The following SLC22A23 variants were observed in gnomAD, a reference collection of about 807,000 sequenced individuals.
The protein encoded by SLC22A23 is solute carrier family 22 member 23.
Under a neutral mutation model 61.0 loss-of-function variants are expected in SLC22A23, and 26 were observed. The observed-to-expected ratio is 0.43, with a 90% CI of 0.31 to 0.59. SLC22A23 has a LOEUF of 0.59. SLC22A23 is among the 20% of genes least tolerant of loss of function. The pLI is 0.11. For missense variants in SLC22A23, 796 were observed against 934.7 expected (o/e 0.85, Z 1.94); for synonymous variants, 430 against 413.9 (o/e 1.04, Z -0.47).
Position 3,333,310 on chromosome 6 carries a change from T to C in SLC22A23, c.914-9308A>G, listed in dbSNP as rs1327932031. On this transcript the variant is annotated intron_variant, in intron 3 of 9. Transcript: ENST00000406686. The surrounding 1 kb of genome is among the most constrained non-coding windows in gnomAD (Gnocchi z 4.1). ...GGTCAGTTCAGAAGAGGCAGCATCATAAAATCACAATCACTCTGGGTGATA... is the reference window on the plus strand; with the variant it reads ...GGTCAGTTCAGAAGAGGCAGCATCACAAAATCACAATCACTCTGGGTGATA... Among the ~76,000 whole-genome samples, 17 of 152,208 alleles carry C rather than the reference T, an allele frequency of 1.1e-4. No homozygotes were observed. Among genetic ancestry groups the C allele is most frequent in the African/African-American group, 1.2e-4 (5 of 41,452 alleles).
In SLC22A23 at chr6:3,286,093, G is replaced by A. The variant is rs889546591; in HGVS notation, c.1546+766C>T. Among the ~76,000 whole-genome samples, 4 of 116,296 alleles carry A rather than the reference G, an allele frequency of 3.4e-5. No individual in the cohort carries two copies. The highest frequency in any genetic ancestry group is 4.0e-3 in the Middle Eastern group (1 of 248). 76.3% of individuals were successfully genotyped at this position (116,296 alleles called of 152,430 possible). A position where few individuals can be genotyped will look rare whatever the true frequency, so the allele number is the denominator to read the frequency against. On this transcript the variant is annotated intron_variant, in intron 7 of 9. Coordinates refer to ENST00000406686, the MANE Select transcript of SLC22A23 (RefSeq NM_015482.2). The surrounding 1 kb of genome is among the most constrained non-coding windows in gnomAD (Gnocchi z 4.2). ...AGGGCCAGATGGACTCTCTAGCTTT[G>A]CCTTAGATTTTTTTTTTTTTTTTGA...
At chr6:3,368,172 G>A (rs971590854) in intron 3 of SLC22A23, among the ~76,000 whole-genome samples, 1 of 152,178 alleles carries the variant, frequency 6.6e-6, no homozygotes, top group Non-Finnish European at 1.5e-5. Flanking sequence ...ATGACAAAGG[G>A]CTTGATGGCA....
At chr6:3,305,069 C>T (rs1312502702) in intron 4 of SLC22A23, among the ~76,000 whole-genome samples, 2 of 152,142 alleles carry the variant, frequency 1.3e-5, no homozygotes, top group Non-Finnish European at 2.9e-5. Context: ...GGTAGCACTG[C>T]TCACCACCTT....
chr6:3,450,376 G>A (rs536831870), intron 1 of SLC22A23, among the ~76,000 whole-genome samples: 1 of 152,148 alleles, frequency 6.6e-6, no homozygotes, highest in African/African-American at 2.4e-5. Context: ...GAGTGATCTC[G>A]GCTCACCGCA....
At chr6:3,361,871 GA>G (rs1252615305) in intron 3 of SLC22A23, among the ~76,000 whole-genome samples, 7 of 152,196 alleles carry the variant, frequency 4.6e-5, no homozygotes, top group Non-Finnish European at 7.3e-5. Context: ...CTAGGGAGAT[GA>G]AGACATGGTC....
At chr6:3,295,392 C>T (rs1760993028) in intron 5 of SLC22A23, among the ~76,000 whole-genome samples, 1 of 147,096 alleles carries the variant, frequency 6.8e-6, no homozygotes, top group South Asian at 2.2e-4. Context: ...AAACGAAGGC[C>T]AGGGTGTGAG....
chr6:3,421,481 ATGC>A (rs1424565120), intron 1 of SLC22A23, among the ~76,000 whole-genome samples: 1 of 152,228 alleles, frequency 6.6e-6, no homozygotes, highest in African/African-American at 2.4e-5. Flanking sequence ...ATCGAGGAAA[ATGC>A]TCATGATATA....
chr6:3,306,335 G>T (rs1761973879), intron 4 of SLC22A23, among the ~76,000 whole-genome samples: 1 of 152,166 alleles, frequency 6.6e-6, no homozygotes, highest in African/African-American at 2.4e-5. Flanking sequence ...AGGGACTCAT[G>T]TGCAAACTCT....
rs1761262265 is a variant in SLC22A23 at position 3,297,966 on chromosome 6, C to T, written c.1210+125G>A. The T allele has an allele frequency of 4.1e-6, 5 of 1,208,344 alleles. No homozygotes were observed. The East Asian group carries it at 1.5e-4, about 35-fold the overall frequency. 74.9% of individuals were successfully genotyped at this position (1,208,344 alleles called of 1,614,324 possible). On this transcript the variant is annotated intron_variant, in intron 5 of 9. Transcript: ENST00000406686. The surrounding 1 kb of genome is among the most constrained non-coding windows in gnomAD (Gnocchi z 4.3). ...GGTTGCCACATTGCCCTTGTGCAGG[C>T]CAAAAGGTCACAGGAGAATTGCACA...
chr6:3,411,266 CAG>C (rs1769221938), intron 2 of SLC22A23, among the ~76,000 whole-genome samples: 5 of 152,198 alleles, frequency 3.3e-5, no homozygotes, highest in Admixed American at 3.3e-4. Flanking sequence ...AAGGATAACT[CAG>C]AGAAATGGGG....
intron 3 of SLC22A23, among the ~76,000 whole-genome samples, chr6:3,368,785 G>T (rs1046305946): frequency 6.6e-6 from 1 of 152,198 alleles, no homozygotes; most frequent in Non-Finnish European, 1.5e-5. Context: ...TGCCAAACAG[G>T]AGAGGAAGTC....
chr6:3,349,167 T>G (rs1764618831), intron 3 of SLC22A23, among the ~76,000 whole-genome samples: 1 of 152,132 alleles, frequency 6.6e-6, no homozygotes, highest in Admixed American at 6.5e-5. Context: ...GCGGGGCACT[T>G]CTCCCTGCTC....
intron 1 of SLC22A23, among the ~76,000 whole-genome samples, chr6:3,430,892 C>T (rs1285927763): frequency 2.0e-5 from 3 of 151,960 alleles, no homozygotes; most frequent in Non-Finnish European, 4.4e-5. Context: ...CATGGAGAAA[C>T]CCCGTCTCTA....
chr6:3,283,953 G>A lies in SLC22A23; in HGVS notation c.1602C>T (p.Asp534=). 1.9e-6 allele frequency: 3 copies of A among 1,607,050 alleles called. No homozygotes were observed. The highest frequency in any genetic ancestry group is 2.6e-6 in the Non-Finnish European group (3 of 1,174,210). The change falls in exon 9 of 10, where the codon GAC becomes GAT. Residue 534 remains aspartate, a synonymous_variant. Coordinates refer to ENST00000406686, the MANE Select transcript of SLC22A23 (RefSeq NM_015482.2). ...PDSGMSDSVK[D]KFSIAFSIVG... ...CGATGGAAAACGCGATGGAAAATTT[G>A]TCCTTGACGCTGTCACTCATCCCTG...
intron 3 of SLC22A23, among the ~76,000 whole-genome samples, chr6:3,378,236 A>G (rs1766711226): frequency 6.6e-6 from 1 of 152,250 alleles, no homozygotes; most frequent in Middle Eastern, 3.4e-3. Context: ...AGCTGGGCCC[A>G]TGTTTGTCAG....
rs527308307 is a variant in SLC22A23 at position 3,317,399 on chromosome 6, C to G, written c.1082+6435G>C. The stretch of plus-strand genomic sequence containing the variant: ...AGCAGCAGCTCTTGCACCCAGCTCC[C>G]TCTTCCATTCTGGCACCTCCTGCCA... On this transcript the variant is annotated intron_variant, in intron 4 of 9. Transcript: ENST00000406686. The surrounding 1 kb of genome is among the most constrained non-coding windows in gnomAD (Gnocchi z 4.4). Among the ~76,000 whole-genome samples, 1 of 152,328 alleles carries G rather than the reference C, an allele frequency of 6.6e-6. No individual in the cohort carries two copies. Among genetic ancestry groups the G allele is most frequent in the East Asian group, 1.9e-4 (1 of 5,184 alleles).
intron 3 of SLC22A23, among the ~76,000 whole-genome samples, chr6:3,362,473 C>A (rs906244392): frequency 6.7e-6 from 1 of 149,708 alleles, no homozygotes; most frequent in African/African-American, 2.5e-5. Flanking sequence ...GATTGAAACA[C>A]CCACCAAGGA....
chr6:3,320,596 C>T (rs981075090), intron 4 of SLC22A23, among the ~76,000 whole-genome samples: 4 of 152,184 alleles, frequency 2.6e-5, no homozygotes, highest in Non-Finnish European at 5.9e-5. Flanking sequence ...CTACAGCTCA[C>T]CCCCTCTCCA....
At position 3,269,924 on chromosome 6, in the gene SLC22A23, C is replaced by G. The variant is rs1335308960; in HGVS notation, c.*3131G>C. On this transcript the variant is annotated 3_prime_UTR_variant, in exon 10 of 10. Transcript: ENST00000406686. Reference sequence around the variant, plus strand: ...TACGAGGTTTGTTTTTGTTTTCTTTCTGTTCTGTAGCCAAACCAATTTACC... The same window carrying G: ...TACGAGGTTTGTTTTTGTTTTCTTTGTGTTCTGTAGCCAAACCAATTTACC... 1 of 152,760 alleles carries G rather than the reference C, an allele frequency of 6.5e-6. No individual in the cohort carries two copies. The highest frequency in any genetic ancestry group is 2.4e-5 in the African/African-American group (1 of 41,428). 9.5% of individuals were successfully genotyped at this position (152,760 alleles called of 1,614,324 possible). A position where few individuals can be genotyped will look rare whatever the true frequency, so the allele number is the denominator to read the frequency against.
Sources: allele counts gnomAD v4.1 joint callset (sites outside exome capture counted in the v4.1 genomes callset), GRCh38; gene constraint gnomAD v4.1.1; non-coding constraint Gnocchi (gnomAD v3.1); transcripts MANE v1.5; gene names NCBI Gene and HGNC (gene_info 2026-07-23, HGNC 2026-07-21).